Variants in TIFA observed in about 807,000 individuals in gnomAD.
TIFA encodes the protein TRAF interacting protein with forkhead associated domain.
For synonymous variants in TIFA, 75 were observed against 79.2 expected (o/e 0.95, Z 0.28); for missense variants, 186 against 215.2 (o/e 0.86, Z 0.85).
chr4:112,276,911 G>A lies in TIFA; in HGVS notation c.*951C>T, dbSNP rs893348558. 3 of 152,032 alleles carry A rather than the reference G, an allele frequency of 2.0e-5. No homozygotes were observed. Among genetic ancestry groups the A allele is most frequent in the Non-Finnish European group, 4.4e-5 (3 of 67,996 alleles). The allele number at this position is 152,032 out of a possible 1,614,324, so 9.4% of individuals were successfully genotyped here. A position where few individuals can be genotyped will look rare whatever the true frequency, so the allele number is the denominator to read the frequency against. On this transcript the variant is annotated 3_prime_UTR_variant, in exon 2 of 2. Transcript: ENST00000361717. ...ATAGCTACCTTAGTTAAGATAAGTC[G>A]AATAAGTATCTTAAATAAATAAATT...
chr4:112,276,031 G>A lies in TIFA; in HGVS notation c.*1831C>T, dbSNP rs1005523691. The A allele has an allele frequency of 1.6e-4, 25 of 152,182 alleles. No individual in the cohort carries two copies. Among genetic ancestry groups the A allele is most frequent in the Non-Finnish European group, 2.9e-5 (2 of 68,032 alleles). The allele number at this position is 152,182 out of a possible 1,614,324, so 9.4% of individuals were successfully genotyped here. ...AGTAGATAACCTTATATTAAAGGGA[G>A]TATATTAGTTTTCTATCTGCTGCTA... On this transcript the variant is annotated 3_prime_UTR_variant, in exon 2 of 2. Transcript: ENST00000361717.
At chr4:112,283,698 G>T (rs1029529107) in intron 1 of TIFA, among the ~76,000 whole-genome samples, 2 of 152,196 alleles carry the variant, frequency 1.3e-5, no homozygotes, top group South Asian at 4.1e-4. Context: ...GGGCAACAAT[G>T]ATTTTATATA....
chr4:112,282,443 T>G (rs925795229), intron 1 of TIFA, among the ~76,000 whole-genome samples: 1 of 152,214 alleles, frequency 6.6e-6, no homozygotes, highest in African/African-American at 2.4e-5. Flanking sequence ...ATAGTTTAAT[T>G]TTTTTAATTA....
chr4:112,281,811 A>C (rs1727233241), intron 1 of TIFA: 1 of 152,250 alleles, frequency 6.6e-6, no homozygotes, highest in Non-Finnish European at 1.5e-5. Context: ...AGATACATAA[A>C]GGACAGTTAA....
Position 112,274,851 on chromosome 4 carries a change from G to A in TIFA, c.*3011C>T, listed in dbSNP as rs1727075204. The A allele has an allele frequency of 6.6e-6, 1 of 152,058 alleles. No individual in the cohort carries two copies. Among genetic ancestry groups the A allele is most frequent in the Non-Finnish European group, 1.5e-5 (1 of 68,020 alleles). The allele number at this position is 152,058 out of a possible 1,614,324, so 9.4% of individuals were successfully genotyped here. The stretch of plus-strand genomic sequence containing the variant: ...AAGTCAGTTACTGCATTAGATAGTA[G>A]GAACAGAATTCTCTAGAAAATGGTT... On this transcript the variant is annotated 3_prime_UTR_variant, in exon 2 of 2. Coordinates refer to ENST00000361717, the MANE Select transcript of TIFA (RefSeq NM_052864.3).
rs183505136 is a variant in TIFA, at chr4:112,280,138, C to T, written c.-18-1704G>A. On this transcript the variant is annotated intron_variant, in intron 1 of 1. Coordinates refer to ENST00000361717, the MANE Select transcript of TIFA (RefSeq NM_052864.3). Reference sequence around the variant, plus strand: ...CGCCTGCATTCCTTGGATGACTCTCCCTTGCTGCAGCTACCGGACACTGTC... The same window carrying T: ...CGCCTGCATTCCTTGGATGACTCTCTCTTGCTGCAGCTACCGGACACTGTC... Among the ~76,000 whole-genome samples the T allele has an allele frequency of 9.3e-4, 142 of 152,222 alleles. 1 individual carries two copies. Among genetic ancestry groups the T allele is most frequent in the African/African-American group, 2.2e-3 (92 of 41,540 alleles).
chr4:112,277,890 G>A lies in TIFA; in HGVS notation c.527C>T (p.Pro176Leu), dbSNP rs144405805. Residue 176 changes from proline (P) to leucine (L), a missense_variant, in exon 2 of 2, where the codon CCG becomes CTG. Coordinates refer to ENST00000361717, the MANE Select transcript of TIFA (RefSeq NM_052864.3). ...YSLCSSQSSS[P>L]TEMDENES ...TGACTCATTTTCATCCATTTCTGTC[G>A]GAGAACTGCTTTGGGAGGAGCAGAG... 262 of 1,598,300 alleles carry A rather than the reference G, an allele frequency of 1.6e-4. No individual in the cohort carries two copies. The African/African-American group carries it at 2.7e-3, about 17-fold the overall frequency.
rs113785417 is a variant in TIFA at position 112,278,129 on chromosome 4, C to T, written c.288G>A (p.Leu96=). Residue 96 remains leucine, a synonymous_variant, in exon 2 of 2, where the codon CTG becomes CTA. Transcript: ENST00000361717. ...EIKNMSKKTN[L]IVDSRELGYL... ...AGCCCAGCTCTCTGCTGTCCACGAT[C>T]AGATTGGTCTTTTTACTCATATTTT... The T allele has an allele frequency of 2.3e-4, 366 of 1,613,534 alleles. 1 individual carries two copies. The African/African-American group carries it at 4.2e-3, about 18-fold the overall frequency.
In TIFA at chr4:112,278,256, T is replaced by C; in HGVS notation, c.161A>G (p.Asn54Ser). The C allele has an allele frequency of 2.5e-6, 4 of 1,614,114 alleles. No individual in the cohort carries two copies. The highest frequency in any genetic ancestry group is 2.2e-5 in the South Asian group (2 of 91,056). The change falls in exon 2 of 2, where the codon AAC becomes AGC. Residue 54 changes from asparagine (N) to serine (S), a missense_variant. Coordinates refer to ENST00000361717, the MANE Select transcript of TIFA (RefSeq NM_052864.3). ...GTCCTGAAAAGTATAATGACAGATG[T>C]TGGAATTTCGGCCAAATTTCACCAC... is the stretch of plus-strand genomic sequence containing the variant. ...SEVVKFGRNS[N>S]ICHYTFQDKQ...
At position 112,277,913 on chromosome 4, in the gene TIFA, G is replaced by A. The variant is rs1271068607; in HGVS notation, c.504C>T (p.Leu168=). The A allele has an allele frequency of 3.7e-6, 6 of 1,612,644 alleles. No individual in the cohort carries two copies. In the African/African-American group the frequency reaches 6.7e-5, roughly 18 times the overall value. The change falls in exon 2 of 2, where the codon CTC becomes CTT. Residue 168 remains leucine, a synonymous_variant. Transcript: ENST00000361717. ...RPIPEYGTYS[L]CSSQSSSPTE... is the part of the protein sequence containing the mutation. ...TCGGAGAACTGCTTTGGGAGGAGCA[G>A]AGCGAATAAGTGCCATACTCCGGTA...
chr4:112,278,911 T>C (rs1306066319), intron 1 of TIFA, among the ~76,000 whole-genome samples: 2 of 152,220 alleles, frequency 1.3e-5, no homozygotes, highest in South Asian at 4.1e-4. Context: ...AAATATATTA[T>C]GAATTGTGAA....
In TIFA at chr4:112,275,971, TCAGAC is replaced by T. The variant is rs1727105068; in HGVS notation, c.*1886_*1890del. 6.6e-6 allele frequency: 1 copy of T among 152,188 alleles called. No homozygotes were observed. Among genetic ancestry groups the T allele is most frequent in the African/African-American group, 2.4e-5 (1 of 41,450 alleles). 9.4% of individuals were successfully genotyped at this position (152,188 alleles called of 1,614,324 possible). Reference sequence around the variant, plus strand: ...CGGGTGATCTGGCTGTAAACCCACATCAGACCAGAAGCTAAAATCCTAGAAAGAAT... The same window carrying T: ...CGGGTGATCTGGCTGTAAACCCACATCAGAAGCTAAAATCCTAGAAAGAAT... On this transcript the variant is annotated 3_prime_UTR_variant, in exon 2 of 2. Coordinates refer to ENST00000361717, the MANE Select transcript of TIFA (RefSeq NM_052864.3).
chr4:112,278,045 A>G lies in TIFA; in HGVS notation c.372T>C (p.Phe124=). ...ACTCGCCATCTTCCTTCTCCATCAG[A>G]AACTGATACTCTCCGAATCTGACCA... is the stretch of plus-strand genomic sequence containing the variant. The part of the protein sequence containing the change: ...RCMVRFGEYQ[F]LMEKEDGESL... Residue 124 remains phenylalanine (F), a synonymous_variant, in exon 2 of 2, where the codon TTT becomes TTC. Transcript: ENST00000361717. 6.2e-7 allele frequency: 1 copy of G among 1,614,080 alleles called. No individual in the cohort carries two copies. Among genetic ancestry groups the G allele is most frequent in the Non-Finnish European group, 8.5e-7 (1 of 1,179,998 alleles).
intron 1 of TIFA, 85 bp from the exon 2 acceptor site, chr4:112,278,519 C>A (rs1727165593): frequency 9.6e-6 from 11 of 1,144,880 alleles, no homozygotes; most frequent in Non-Finnish European, 1.2e-6. Flanking sequence ...TGAACATCAT[C>A]TGATAGGCAA....
At chr4:112,283,772 C>G (rs893152380) in intron 1 of TIFA, among the ~76,000 whole-genome samples, 2 of 152,086 alleles carry the variant, frequency 1.3e-5, no homozygotes, top group African/African-American at 4.8e-5. Context: ...GAGACTTACT[C>G]TCCACTGCAC....
chr4:112,278,875 CAT>C (rs1388503038), intron 1 of TIFA, among the ~76,000 whole-genome samples: 1 of 152,086 alleles, frequency 6.6e-6, no homozygotes, highest in East Asian at 1.9e-4. Context: ...ATAAAGCAAA[CAT>C]AGTTTATTAA....
intron 1 of TIFA, chr4:112,281,884 C>G (rs1246798737): frequency 6.6e-6 from 1 of 152,202 alleles, no homozygotes; most frequent in Non-Finnish European, 1.5e-5. Flanking sequence ...TCATTTGTTA[C>G]TGCACTATAT....
rs1019135246 is a variant in TIFA, at chr4:112,276,044, C to A, written c.*1818G>T. The A allele has an allele frequency of 6.6e-6, 1 of 152,196 alleles. No individual in the cohort carries two copies. Among genetic ancestry groups the A allele is most frequent in the Admixed American group, 6.5e-5 (1 of 15,282 alleles). The allele number at this position is 152,196 out of a possible 1,614,324, so 9.4% of individuals were successfully genotyped here. A position where few individuals can be genotyped will look rare whatever the true frequency, so the allele number is the denominator to read the frequency against. On this transcript the variant is annotated 3_prime_UTR_variant, in exon 2 of 2. Transcript: ENST00000361717. The stretch of plus-strand genomic sequence containing the variant: ...ATATTAAAGGGAGTATATTAGTTTT[C>A]TATCTGCTGCTATAACAAATTACTG...
chr4:112,282,944 T>A (rs2110507371), intron 1 of TIFA, among the ~76,000 whole-genome samples: 1 of 152,144 alleles, frequency 6.6e-6, no homozygotes, highest in African/African-American at 2.4e-5. Flanking sequence ...TTTTTTTTTG[T>A]ACCAGACCTC....
Sources: gnomAD v4.1 joint callset for allele counts (sites outside exome capture counted in the v4.1 genomes callset) on GRCh38, gnomAD v4.1.1 for gene constraint, MANE v1.5 for transcripts, NCBI Gene and HGNC (gene_info 2026-07-23, HGNC 2026-07-21) for gene names.